The following SELENOF variants were observed in gnomAD, a reference collection of about 807,000 sequenced individuals.
SELENOF encodes 15 kDa selenoprotein.
Under a neutral mutation model 20.5 loss-of-function variants are expected in SELENOF, and 16 were observed. The ratio of observed to expected loss-of-function variants is 0.78; its 90% CI spans 0.53 to 1.19. SELENOF has a LOEUF of 1.19. SELENOF is among the 50% of genes most tolerant of loss of function. SELENOF has a pLI of 0.00. For synonymous variants in SELENOF, 78 were observed against 74.5 expected, an observed-to-expected ratio of 1.05 and a Z score of -0.24; for missense variants, 215 against 194.2, an observed-to-expected ratio of 1.11 and a Z score of -0.64.
chr1:86,894,812 G>A (rs1431810654), intron 2 of SELENOF, among the ~76,000 whole-genome samples: 1 of 152,080 alleles, frequency 6.6e-6, no homozygotes, highest in Non-Finnish European at 1.5e-5. Context: ...ATTCTAGCTT[G>A]GGTGACAGAG....
At chr1:86,902,415 T>C (rs1042059732) in intron 2 of SELENOF, among the ~76,000 whole-genome samples, 1 of 152,182 alleles carries the variant, frequency 6.6e-6, no homozygotes, top group African/African-American at 2.4e-5. Flanking sequence ...GAAAATGCAC[T>C]TACTGTTAAA....
intron 2 of SELENOF, among the ~76,000 whole-genome samples, chr1:86,887,756 T>G (rs916356984): frequency 3.3e-5 from 5 of 151,986 alleles, no homozygotes; most frequent in African/African-American, 1.2e-4. Flanking sequence ...ATGATGAGAC[T>G]CTCATTAGGA....
In SELENOF at chr1:86,862,521, T is replaced by C. The variant is rs1658481113; in HGVS notation, c.*953A>G. The stretch of plus-strand genomic sequence containing the variant: ...TCCTTAAATAATATACCAATGAAAA[T>C]GTGTTCATAAATGAAAAAACTTTGA... On this transcript the variant is annotated 3_prime_UTR_variant, in exon 5 of 5. Coordinates refer to ENST00000331835, the MANE Select transcript of SELENOF (RefSeq NM_004261.5). The C allele has an allele frequency of 6.6e-6, 1 of 152,018 alleles. No individual in the cohort carries two copies. The highest frequency in any genetic ancestry group is 1.5e-5 in the Non-Finnish European group (1 of 68,004). 9.4% of individuals were successfully genotyped at this position (152,018 alleles called of 1,614,324 possible). A position where few individuals can be genotyped will look rare whatever the true frequency, so the allele number is the denominator to read the frequency against.
chr1:86,888,007 T>A (rs546590072), intron 2 of SELENOF, among the ~76,000 whole-genome samples: 28 of 152,286 alleles, frequency 1.8e-4, no homozygotes, highest in African/African-American at 5.5e-4. Context: ...ACACTTGTAA[T>A]CCCAGCACTT....
chr1:86,893,909 T>C (rs1454241069), intron 2 of SELENOF, among the ~76,000 whole-genome samples: 1 of 152,210 alleles, frequency 6.6e-6, no homozygotes, highest in Non-Finnish European at 1.5e-5. Flanking sequence ...ATTTATGTTA[T>C]ACACTGCTTA....
At chr1:86,900,739 C>T (rs1304637354) in intron 2 of SELENOF, among the ~76,000 whole-genome samples, 1 of 152,000 alleles carries the variant, frequency 6.6e-6, no homozygotes, top group East Asian at 1.9e-4. Context: ...GGGGTTTCAC[C>T]ATATTAGCCA....
chr1:86,877,565 A>C (rs958068306), intron 3 of SELENOF, among the ~76,000 whole-genome samples: 6 of 152,222 alleles, frequency 3.9e-5, no homozygotes, highest in African/African-American at 1.4e-4. Context: ...CTTATACATA[A>C]AGCCTGAAGG....
chr1:86,878,832 T>C (rs1357303083), intron 3 of SELENOF, among the ~76,000 whole-genome samples: 1 of 152,230 alleles, frequency 6.6e-6, no homozygotes, highest in African/African-American at 2.4e-5. Context: ...AATGGTTTTA[T>C]CACAATTATA....
upstream of SELENOF, chr1:86,914,153 G>A: frequency 6.3e-7 from 1 of 1,584,920 alleles, no homozygotes; most frequent in African/African-American, 1.3e-5. Flanking sequence ...CCCTAAGCTA[G>A]GGGCGTCCAC....
At chr1:86,911,576 T>C (rs1659983228) in intron 1 of SELENOF, among the ~76,000 whole-genome samples, 1 of 152,158 alleles carries the variant, frequency 6.6e-6, no homozygotes, top group South Asian at 2.1e-4. Flanking sequence ...TTTAGGCAGA[T>C]CACTTGATGC....
chr1:86,867,590 GAGATTTC>G (rs1658636011), intron 4 of SELENOF, among the ~76,000 whole-genome samples: 2 of 152,056 alleles, frequency 1.3e-5, no homozygotes, highest in South Asian at 4.1e-4. Context: ...GTGAGGATTG[GAGATTTC>G]TTAGGGCAGT....
rs537726416 is a variant in SELENOF, at chr1:86,885,506, CCAT to C, written c.253-4784_253-4782del. Among the ~76,000 whole-genome samples the C allele has an allele frequency of 3.2e-3, 489 of 152,238 alleles. 1 individual carries two copies. The highest frequency in any genetic ancestry group is 0.011 in the African/African-American group (461 of 41,558). On this transcript the variant is annotated intron_variant, in intron 2 of 4. Transcript: ENST00000331835. Reference sequence around the variant, plus strand: ...AGTGCAGTATTTGTTAACTCTTGTGCCATCATCATACCACTACCACCACCACCA... The same window carrying C: ...AGTGCAGTATTTGTTAACTCTTGTGCCATCATACCACTACCACCACCACCA...
At chr1:86,874,130 A>ATT (rs1268318403) in intron 3 of SELENOF, among the ~76,000 whole-genome samples, 2 of 146,770 alleles carry the variant, frequency 1.4e-5, no homozygotes, top group Non-Finnish European at 3.0e-5. Flanking sequence ...TTCCCTGCTA[A>ATT]TTTTTTTTTT....
rs556571118 is a variant in SELENOF, at chr1:86,911,146, A to G, written c.84+2882T>C. 7.2e-5 allele frequency among the ~76,000 whole-genome samples: 11 copies of G among 152,364 alleles called. No homozygotes were observed. The South Asian group carries it at 2.1e-3, about 29-fold the overall frequency. ...CTATGGAACGTATCTCAGAGAATAA[A>G]TATTGATCACCACTGGAGCACACAG... On this transcript the variant is annotated intron_variant, in intron 1 of 4. Coordinates refer to ENST00000331835, the MANE Select transcript of SELENOF (RefSeq NM_004261.5).
intron 2 of SELENOF, among the ~76,000 whole-genome samples, chr1:86,896,457 A>C (rs1471763095): frequency 1.3e-5 from 2 of 152,206 alleles, no homozygotes; most frequent in Non-Finnish European, 2.9e-5. Context: ...ACCCACTAAA[A>C]TACTACACTT....
upstream of SELENOF, chr1:86,914,490 A>C: frequency 3.7e-6 from 1 of 268,660 alleles, no homozygotes; most frequent in East Asian, 8.9e-5. Flanking sequence ...CGTAAACCGA[A>C]CCAAGAGCGA....
chr1:86,883,125 C>CAAA (rs34608814), intron 2 of SELENOF, among the ~76,000 whole-genome samples: 1 of 96,086 alleles, frequency 1.0e-5, no homozygotes, highest in South Asian at 3.5e-4. Flanking sequence ...AGACTTGTCT[C>CAAA]AAAAAAAAAA....
intron 2 of SELENOF, among the ~76,000 whole-genome samples, chr1:86,897,041 C>CA (rs1659543169): frequency 6.6e-6 from 1 of 152,070 alleles, no homozygotes; most frequent in Non-Finnish European, 1.5e-5. Context: ...CACGGTGGCT[C>CA]ACGCCTGTAA....
chr1:86,866,263 TG>T (rs1658593410), intron 4 of SELENOF, among the ~76,000 whole-genome samples: 1 of 147,176 alleles, frequency 6.8e-6, no homozygotes, highest in Middle Eastern at 3.6e-3. Context: ...TGTGTGTGTG[TG>T]TAGTGGAATA....
Sources: allele counts gnomAD v4.1 joint callset (sites outside exome capture counted in the v4.1 genomes callset), GRCh38; gene constraint gnomAD v4.1.1; transcripts MANE v1.5; gene names NCBI Gene and HGNC (gene_info 2026-07-23, HGNC 2026-07-21).